TUBGCP3: variants seen among roughly 807,000 people sequenced by gnomAD.
TUBGCP3 encodes the protein tubulin gamma complex component 3, also known as gamma-tubulin complex component 3.
A neutral mutation model predicts 123.1 loss-of-function variants in TUBGCP3; 50 were observed. That is an observed-to-expected ratio of 0.41 (90% CI 0.32 to 0.51). The LOEUF (loss-of-function observed/expected upper bound fraction) is 0.51. Ranked by LOEUF, TUBGCP3 falls within the 20% of genes least tolerant of loss-of-function variation. TUBGCP3 has a pLI of 0.36. For synonymous variants in TUBGCP3, 405 were observed against 413.9 expected, an observed-to-expected ratio of 0.98 and a Z score of 0.26; for missense variants, 882 against 1,127.0, an observed-to-expected ratio of 0.78 and a Z score of 3.11.
intron 2 of TUBGCP3, 37 bp from the exon 3 acceptor site, chr13:112,565,215 A>C (rs1880863230): frequency 1.3e-6 from 2 of 1,558,334 alleles, no homozygotes; most frequent in East Asian, 2.2e-5. Flanking sequence ...TGGTAACTAC[A>C]AACACCAAAA....
At chr13:112,490,707 T>C (rs1880025731) in intron 20 of TUBGCP3, among the ~76,000 whole-genome samples, 1 of 152,250 alleles carries the variant, frequency 6.6e-6, no homozygotes, top group Non-Finnish European at 1.5e-5. Context: ...CATCAATATT[T>C]ACAACCCAGA....
intron 20 of TUBGCP3, among the ~76,000 whole-genome samples, chr13:112,491,592 A>G (rs1269660579): frequency 2.0e-5 from 3 of 149,664 alleles, no homozygotes; most frequent in Non-Finnish European, 4.5e-5. Flanking sequence ...TTTTCTTTAT[A>G]AACTATCTAC....
chr13:112,560,628 C>T (rs1188852927), intron 3 of TUBGCP3, among the ~76,000 whole-genome samples: 1 of 152,182 alleles, frequency 6.6e-6, no homozygotes, highest in Non-Finnish European at 1.5e-5. Context: ...ATGTAAGTAC[C>T]TTTATTTACA....
intron 19 of TUBGCP3, among the ~76,000 whole-genome samples, chr13:112,502,802 C>T (rs1881020065): frequency 6.6e-6 from 1 of 152,090 alleles, no homozygotes; most frequent in South Asian, 2.1e-4. Flanking sequence ...ACCTCAGCCT[C>T]CCAAAGTGCT....
intron 1 of TUBGCP3, among the ~76,000 whole-genome samples, chr13:112,587,630 G>A (rs926950543): frequency 6.6e-6 from 1 of 151,218 alleles, no homozygotes; most frequent in Non-Finnish European, 1.5e-5. Flanking sequence ...CCGCCCTCCC[G>A]CCTCCCGCCC....
At chr13:112,573,985 C>T (rs920114269) in intron 1 of TUBGCP3, among the ~76,000 whole-genome samples, 7 of 151,976 alleles carry the variant, frequency 4.6e-5, no homozygotes, top group Non-Finnish European at 1.0e-4. Context: ...GTATGGCTTC[C>T]TCTGCCCAAT....
chr13:112,534,178 G>A (rs958633454), intron 11 of TUBGCP3, among the ~76,000 whole-genome samples: 4 of 152,210 alleles, frequency 2.6e-5, no homozygotes, highest in African/African-American at 7.2e-5. Flanking sequence ...GGATAGACCA[G>A]GGGTCCTCAA....
At chr13:112,492,863 G>C (rs1055768605) in intron 20 of TUBGCP3, among the ~76,000 whole-genome samples, 2 of 150,902 alleles carry the variant, frequency 1.3e-5, no homozygotes, top group African/African-American at 4.9e-5. Flanking sequence ...CTCTAGCTTT[G>C]GGAACAGGCC....
rs771791908 is a variant in TUBGCP3, at chr13:112,558,311, C to T, written c.433G>A (p.Asp145Asn). The change falls in exon 5 of 22, where the codon GAT becomes AAT. Residue 145 changes from aspartate to asparagine, a missense_variant. By Grantham distance (23) the Asp-to-Asn change is conservative. Around this residue, in one of 3 missense-constraint regions of TUBGCP3, gnomAD observed 713 missense variants for 874.0 expected, o/e 0.82. Transcript: ENST00000261965. ...RPQTLPLSYQ[D>N]RSAQSAQSSG... ...CTCTGGGCTGACTGGGCACTCCGAT[C>T]TTGGTAGCTCAGGGGAAGGGTCTGA... The T allele has an allele frequency of 1.9e-6, 3 of 1,613,936 alleles. No homozygotes were observed. The highest frequency in any genetic ancestry group is 8.5e-7 in the Non-Finnish European group (1 of 1,179,998).
At position 112,524,982 on chromosome 13, in the gene TUBGCP3, C is replaced by G. The variant is rs1876930937; in HGVS notation, c.1555+1960G>C. 6.6e-6 allele frequency among the ~76,000 whole-genome samples: 1 copy of G among 152,150 alleles called. No individual in the cohort carries two copies. The highest frequency in any genetic ancestry group is 1.5e-5 in the Non-Finnish European group (1 of 68,028). ...GACTTGGCCTCACGAGCTCAGAGTT[C>G]TAGTGCCATCACTGACTCTTCCTGA... On this transcript the variant is annotated intron_variant, in intron 13 of 21. Coordinates refer to ENST00000261965, the MANE Select transcript of TUBGCP3 (RefSeq NM_006322.6). The surrounding 1 kb of genome is among the most constrained non-coding windows in gnomAD (Gnocchi z 4.4).
the TUBGCP3 span, among the ~76,000 whole-genome samples, chr13:112,593,499 T>C: frequency 0.17 from 25,616 of 151,552 alleles, 3,364 homozygotes; most frequent in African/African-American, 0.36. Context: ...ATGGTGAAAC[T>C]CCATCTCTAC....
chr13:112,498,031 T>TAC (rs555379176), intron 20 of TUBGCP3, among the ~76,000 whole-genome samples: 12 of 151,530 alleles, frequency 7.9e-5, no homozygotes, highest in East Asian at 1.9e-4. Context: ...CATATACATG[T>TAC]ACACACACAC....
chr13:112,573,800 CCCCCCA>C (rs2139294054), intron 1 of TUBGCP3, among the ~76,000 whole-genome samples: 1 of 152,312 alleles, frequency 6.6e-6, no homozygotes, highest in African/African-American at 2.4e-5. Flanking sequence ...ACCTCCAGAT[CCCCCCA>C]CCCCCACCAC....
chr13:112,539,611 T>A (rs1878334945), intron 11 of TUBGCP3, among the ~76,000 whole-genome samples: 1 of 152,216 alleles, frequency 6.6e-6, no homozygotes, highest in South Asian at 2.1e-4. Context: ...AAATTACAAA[T>A]CATGAACTTC....
In TUBGCP3 at chr13:112,554,879, T is replaced by C. The variant is rs1189877940; in HGVS notation, c.840+8A>G. 3 of 1,560,498 alleles carry C rather than the reference T, an allele frequency of 1.9e-6. No individual in the cohort carries two copies. Among genetic ancestry groups the C allele is most frequent in the Non-Finnish European group, 2.6e-6 (3 of 1,143,220 alleles). On this transcript the variant is annotated splice_region_variant and intron_variant, in intron 7 of 21. Transcript: ENST00000261965. ...GAATATTTTAACTTAGATTTTATGT[T>C]ACTGTACCTTTCCTTCTACTTTGTA...
chr13:112,556,272 A>G, intron 5 of TUBGCP3, 48 bp from the exon 6 acceptor site: 1 of 1,561,038 alleles, frequency 6.4e-7, no homozygotes, highest in South Asian at 1.2e-5. Context: ...TTCGCTGAAG[A>G]GACAAAAGTG....
At position 112,577,505 on chromosome 13, in the gene TUBGCP3, G is replaced by C. The variant is rs574682819; in HGVS notation, c.77-8246C>G. 2.0e-5 allele frequency among the ~76,000 whole-genome samples: 3 copies of C among 152,208 alleles called. No individual in the cohort carries two copies. The South Asian group carries it at 6.2e-4, about 32-fold the overall frequency. On this transcript the variant is annotated intron_variant, in intron 1 of 21. Coordinates refer to ENST00000261965, the MANE Select transcript of TUBGCP3 (RefSeq NM_006322.6). ...AAGTCCGAGAAATTGTCAATGTCAA[G>C]AGAAGCCCAAAGAGACAAGACAAAT... is the stretch of plus-strand genomic sequence containing the variant.
intron 1 of TUBGCP3, among the ~76,000 whole-genome samples, chr13:112,581,412 T>C (rs1882265711): frequency 6.6e-6 from 1 of 152,174 alleles, no homozygotes; most frequent in Non-Finnish European, 1.5e-5. Flanking sequence ...AAAAGTATCA[T>C]TGAAAAGTTT....
chr13:112,506,987 G>A (rs1429240100), intron 17 of TUBGCP3, among the ~76,000 whole-genome samples: 1 of 152,196 alleles, frequency 6.6e-6, no homozygotes, highest in Non-Finnish European at 1.5e-5. Context: ...CTTCCCTGGA[G>A]AATGGTGAGT....
Sources: allele counts gnomAD v4.1 joint callset (sites outside exome capture counted in the v4.1 genomes callset), GRCh38; gene constraint gnomAD v4.1.1; regional missense constraint gnomAD v4.1.1; non-coding constraint Gnocchi (gnomAD v3.1); transcripts MANE v1.5; gene names NCBI Gene and HGNC (gene_info 2026-07-23, HGNC 2026-07-21).